The following CELF2 variants were observed in gnomAD, a reference collection of about 807,000 sequenced individuals.
CELF2 encodes CUGBP Elav-like family member 2.
Under a neutral mutation model 62.6 loss-of-function variants are expected in CELF2, and 8 were observed. The ratio of observed to expected loss-of-function variants is 0.13; its 90% CI spans 0.07 to 0.23. CELF2 has a LOEUF of 0.23. Ranked by LOEUF, CELF2 falls within the 10% of genes least tolerant of loss-of-function variation. The pLI is 1.00. For missense variants in CELF2, 333 were observed against 671.0 expected (o/e 0.50, Z 5.56); for synonymous variants, 258 against 250.0 (o/e 1.03, Z -0.30).
intron 1 of CELF2, among the ~76,000 whole-genome samples, chr10:11,089,769 A>G (rs943753290): frequency 3.3e-5 from 5 of 152,214 alleles, no homozygotes; most frequent in Admixed American, 6.5e-5. Flanking sequence ...AAAGACACGG[A>G]GTCAACCCAG....
the CELF2 span, among the ~76,000 whole-genome samples, chr10:10,634,841 TTAG>T: frequency 2.0e-5 from 3 of 151,992 alleles, no homozygotes; most frequent in South Asian, 6.2e-4. Flanking sequence ...TTTTGTATAT[TTAG>T]TAGAGACGGG....
chr10:10,839,857 G>T (rs2058563042), intron 1 of CELF2, among the ~76,000 whole-genome samples: 1 of 152,150 alleles, frequency 6.6e-6, no homozygotes. Flanking sequence ...AAATTCCTCT[G>T]TGCTTCACCT....
rs185904758 is a variant in CELF2, at chr10:11,306,765, C to T, written c.977-7374C>T. Among the ~76,000 whole-genome samples the T allele has an allele frequency of 1.1e-3, 160 of 152,176 alleles. 2 individuals carry two copies. Among genetic ancestry groups the T allele is most frequent in the Admixed American group, 3.9e-3 (59 of 15,292 alleles). On this transcript the variant is annotated intron_variant, in intron 9 of 12. Coordinates refer to ENST00000633077, the MANE Select transcript of CELF2 (RefSeq NM_001326342.2). This position sits in a 1 kb window ranked among gnomAD's most constrained non-coding sequence, Gnocchi z 4.4. ...CTCCCTCCTTTTCTTCACCGTCTCC[C>T]CAACTTTCTACTGGGACCGTCTAAG...
At chr10:10,597,877 CA>C in the CELF2 span, among the ~76,000 whole-genome samples, 1 of 151,946 alleles carries the variant, frequency 6.6e-6, no homozygotes, top group Non-Finnish European at 1.5e-5. Context: ...CAGTGCATCC[CA>C]AAACAAAATA....
chr10:10,827,335 A>G (rs187467463), intron 1 of CELF2, among the ~76,000 whole-genome samples: 169 of 152,330 alleles, frequency 1.1e-3, no homozygotes, highest in Non-Finnish European at 2.0e-3. Context: ...TCTGTTAAGA[A>G]TTATTTCACT....
At chr10:11,109,846 T>C (rs2054651970) in intron 1 of CELF2, among the ~76,000 whole-genome samples, 2 of 152,140 alleles carry the variant, frequency 1.3e-5, no homozygotes, top group African/African-American at 4.8e-5. Flanking sequence ...CCCCCTGACT[T>C]TGTAGCAAAA....
At chr10:10,798,788 G>A (rs978814260) in exon 1 of CELF2, 6 of 398,652 alleles carry the variant, frequency 1.5e-5, no homozygotes, top group African/African-American at 1.2e-4. Flanking sequence ...TCTCTGACTT[G>A]GATCCTCTGA....
intron 1 of CELF2, among the ~76,000 whole-genome samples, chr10:10,885,968 G>T (rs375760008): frequency 2.6e-5 from 4 of 152,118 alleles, no homozygotes; most frequent in African/African-American, 9.7e-5. Context: ...AAGTTCCAGG[G>T]ATTAGACTGT....
At chr10:10,699,089 C>T in the CELF2 span, among the ~76,000 whole-genome samples, 677 of 152,036 alleles carry the variant, frequency 4.5e-3, 7 homozygotes, top group African/African-American at 0.015. Context: ...AATTTCCTCA[C>T]AATAAAATAC....
In CELF2 at chr10:11,247,827, G is replaced by C. The variant is rs1299256332; in HGVS notation, c.355-1326G>C. On this transcript the variant is annotated intron_variant, in intron 3 of 12. Coordinates refer to ENST00000633077, the MANE Select transcript of CELF2 (RefSeq NM_001326342.2). This position sits in a 1 kb window ranked among gnomAD's most constrained non-coding sequence, Gnocchi z 5.4. The stretch of plus-strand genomic sequence containing the variant: ...TTCTCTCCATTTCTATAGGATAGAG[G>C]TCACATTCCTCAGCCCAACTCATGG... Among the ~76,000 whole-genome samples, 1 of 152,124 alleles carries C rather than the reference G, an allele frequency of 6.6e-6. No individual in the cohort carries two copies. The highest frequency in any genetic ancestry group is 2.4e-5 in the African/African-American group (1 of 41,428).
chr10:11,022,615 T>A (rs1564406661), intron 1 of CELF2, among the ~76,000 whole-genome samples: 1 of 152,226 alleles, frequency 6.6e-6, no homozygotes, highest in Non-Finnish European at 1.5e-5. Flanking sequence ...TTAGCTTTTT[T>A]ACATAAATCC....
At position 11,270,772 on chromosome 10, in the gene CELF2, C is replaced by A; in HGVS notation, c.725C>A (p.Ala242Asp). ...CAGCAGATGCAGCAGCTCAACACTG[C>A]CACCTGGGGGAACCTGACAGGGCTG... ...LAQQMQQLNT[A>D]TWGNLTGLGG... The change falls in exon 7 of 13, where the codon GCC (alanine) becomes GAC (aspartate). Residue 242 changes from alanine (A) to aspartate (D), a missense_variant. Around this residue, in one of 3 missense-constraint regions of CELF2, gnomAD observed 253 missense variants for 503.0 expected, o/e 0.50. Coordinates refer to ENST00000633077, the MANE Select transcript of CELF2 (RefSeq NM_001326342.2). The surrounding 1 kb of genome is among the most constrained non-coding windows in gnomAD (Gnocchi z 5.8). The A allele has an allele frequency of 6.5e-7, 1 of 1,549,226 alleles. No individual in the cohort carries two copies. Among genetic ancestry groups the A allele is most frequent in the Non-Finnish European group, 8.8e-7 (1 of 1,142,844 alleles).
chr10:11,329,097 G>GGTAA lies in CELF2; in HGVS notation c.*47_*50dup, dbSNP rs750663707. The GGTAA allele has an allele frequency of 5.1e-6, 8 of 1,562,590 alleles. No homozygotes were observed. Among genetic ancestry groups the GGTAA allele is most frequent in the African/African-American group, 1.4e-5 (1 of 73,544 alleles). On this transcript the variant is annotated 3_prime_UTR_variant, in exon 13 of 13. Coordinates refer to ENST00000633077, the MANE Select transcript of CELF2 (RefSeq NM_001326342.2). The surrounding 1 kb of genome is among the most constrained non-coding windows in gnomAD (Gnocchi z 5.5). ...CCTGCTCTCATTTTAGCTTTCTTAG[G>GGTAA]GTAAGTCCCACGAGCCAGCCTGTCT...
chr10:11,129,007 T>G (rs1022320636), intron 1 of CELF2, among the ~76,000 whole-genome samples: 1 of 152,224 alleles, frequency 6.6e-6, no homozygotes, highest in South Asian at 2.1e-4. Context: ...TGATATTGGC[T>G]GTGGGTTTGT....
chr10:10,895,958 G>A (rs1419466339), intron 1 of CELF2, among the ~76,000 whole-genome samples: 1 of 152,148 alleles, frequency 6.6e-6, no homozygotes, highest in African/African-American at 2.4e-5. Flanking sequence ...TCTCTTAGTT[G>A]AGGAAACAAA....
chr10:10,605,988 G>A, the CELF2 span, among the ~76,000 whole-genome samples: 1 of 152,128 alleles, frequency 6.6e-6, no homozygotes, highest in East Asian at 1.9e-4. Context: ...TTTTCAGGGC[G>A]ATAAGTCATT....
the CELF2 span, among the ~76,000 whole-genome samples, chr10:10,699,182 A>G: frequency 1.3e-5 from 2 of 152,222 alleles, no homozygotes; most frequent in African/African-American, 2.4e-5. Context: ...TATTTCCCCA[A>G]TATTGTGCAT....
the CELF2 span, among the ~76,000 whole-genome samples, chr10:10,471,759 T>A: frequency 1.3e-5 from 2 of 151,984 alleles, no homozygotes; most frequent in African/African-American, 4.8e-5. Flanking sequence ...TTTATGTACA[T>A]CTTTTTCATT....
At chr10:10,842,457 G>A (rs889805721) in intron 1 of CELF2, among the ~76,000 whole-genome samples, 1 of 151,920 alleles carries the variant, frequency 6.6e-6, no homozygotes, top group Non-Finnish European at 1.5e-5. Flanking sequence ...TCAAATTGAG[G>A]AAGTTTCTGT....
Sources: gnomAD v4.1 joint callset for allele counts (sites outside exome capture counted in the v4.1 genomes callset) on GRCh38, gnomAD v4.1.1 for gene constraint, gnomAD v4.1.1 regional missense constraint, Gnocchi (gnomAD v3.1) non-coding constraint, MANE v1.5 for transcripts, NCBI Gene and HGNC (gene_info 2026-07-23, HGNC 2026-07-21) for gene names.